The following PTPRT variants were observed in gnomAD, a reference collection of about 807,000 sequenced individuals.
The protein encoded by PTPRT is receptor-type tyrosine-protein phosphatase T.
In PTPRT, 56 loss-of-function variants were observed where a neutral mutation model predicts 176.8. The ratio of observed to expected loss-of-function variants is 0.32; its 90% CI spans 0.26 to 0.40. The LOEUF is 0.40. Ranked by LOEUF, PTPRT falls within the 10% of genes least tolerant of loss-of-function variation. The probability of loss-of-function intolerance (pLI) is 1.00; values close to 1 mark genes in which losing one functional copy is unlikely to be tolerated. For synonymous variants in PTPRT, 783 were observed against 739.0 expected (o/e 1.06, Z -0.96); for missense variants, 1,540 against 1,908.2 (o/e 0.81, Z 3.60).
intron 1 of PTPRT, among the ~76,000 whole-genome samples, chr20:42,952,655 G>C (rs1981326361): frequency 6.6e-6 from 1 of 152,204 alleles, no homozygotes; most frequent in African/African-American, 2.4e-5. Flanking sequence ...CAGTATATAA[G>C]TGTTTGCTCT....
chr20:42,212,045 GA>G (rs1007164594), intron 15 of PTPRT, among the ~76,000 whole-genome samples: 4 of 116,042 alleles, frequency 3.4e-5, no homozygotes, highest in Non-Finnish European at 7.6e-5. Flanking sequence ...ACTATCACAA[GA>G]AAAAAAAACC....
chr20:42,454,842 C>T (rs1312801429), intron 8 of PTPRT, among the ~76,000 whole-genome samples: 1 of 152,122 alleles, frequency 6.6e-6, no homozygotes, highest in Non-Finnish European at 1.5e-5. Flanking sequence ...GCCTATATCC[C>T]ACTGAATAAT....
At position 42,634,048 on chromosome 20, in the gene PTPRT, T is replaced by TA. The variant is rs1438139621; in HGVS notation, c.1153+43817dup. On this transcript the variant is annotated intron_variant, in intron 7 of 30. Coordinates refer to ENST00000373187, the MANE Select transcript of PTPRT (RefSeq NM_007050.6). Reference sequence around the variant, plus strand: ...ATATATATATTATATATATTATATATATATTATAAATATATAATATATATA... The same window carrying TA: ...ATATATATATTATATATATTATATATAATATTATAAATATATAATATATATA... Among the ~76,000 whole-genome samples, 213 of 31,232 alleles carry TA rather than the reference T, an allele frequency of 6.8e-3. 12 individuals are homozygous for TA. The highest frequency in any genetic ancestry group is 0.039 in the African/African-American group (211 of 5,402). The allele number at this position is 31,232 out of a possible 152,430, so 20.5% of individuals were successfully genotyped here. A position where few individuals can be genotyped will look rare whatever the true frequency, so the allele number is the denominator to read the frequency against.
chr20:42,763,214 T>A (rs2076939786), intron 5 of PTPRT, among the ~76,000 whole-genome samples: 1 of 152,220 alleles, frequency 6.6e-6, no homozygotes, highest in South Asian at 2.1e-4. Context: ...TCCTTTAGTG[T>A]CATGACATTA....
chr20:42,229,798 T>G (rs1362107363), intron 15 of PTPRT, among the ~76,000 whole-genome samples: 1 of 152,204 alleles, frequency 6.6e-6, no homozygotes, highest in African/African-American at 2.4e-5. Context: ...AAAAATGGCC[T>G]TAAACCCACA....
At position 42,360,253 on chromosome 20, in the gene PTPRT, T is replaced by C. The variant is rs191439133; in HGVS notation, c.1561-7968A>G. On this transcript the variant is annotated intron_variant, in intron 9 of 30. Transcript: ENST00000373187. ...TGAGTGTATTCCTGTCAACAGGTGC[T>C]CCCTCCACCAACACCTCTGGCCCCT... 1.6e-3 allele frequency among the ~76,000 whole-genome samples: 245 copies of C among 152,274 alleles called. 2 individuals are homozygous for C. In the Middle Eastern group the frequency reaches 0.02, roughly 13 times the overall value.
intron 15 of PTPRT, among the ~76,000 whole-genome samples, chr20:42,204,921 T>A (rs1050391780): frequency 1.3e-5 from 2 of 151,684 alleles, no homozygotes; most frequent in East Asian, 3.9e-4. Flanking sequence ...TGGGTCTCTA[T>A]GGTCCCAGGG....
chr20:43,135,099 A>G (rs2013783383), intron 1 of PTPRT, among the ~76,000 whole-genome samples: 1 of 152,174 alleles, frequency 6.6e-6, no homozygotes, highest in Non-Finnish European at 1.5e-5. Context: ...TATCTTCTGG[A>G]GGATTTGCAA....
rs543541921 is a variant in PTPRT at position 42,507,433 on chromosome 20, C to T, written c.1154-34871G>A. On this transcript the variant is annotated intron_variant, in intron 7 of 30. Transcript: ENST00000373187. The stretch of plus-strand genomic sequence containing the variant: ...CCAAGAAGGGAGAAGCCTTCTTGGC[C>T]GAGAAGGGAAAGCCCATCGTGTGCT... Among the ~76,000 whole-genome samples, 37 of 151,962 alleles carry T rather than the reference C, an allele frequency of 2.4e-4. 1 individual carries two copies. The South Asian group carries it at 7.7e-3, about 32-fold the overall frequency.
At chr20:42,794,407 T>G (rs1241935034) in intron 2 of PTPRT, among the ~76,000 whole-genome samples, 2 of 152,122 alleles carry the variant, frequency 1.3e-5, no homozygotes, top group African/African-American at 4.8e-5. Context: ...AACAAGAATC[T>G]CACATCCACC....
At chr20:43,070,958 AAAGTAT>A (rs1358315992) in intron 1 of PTPRT, among the ~76,000 whole-genome samples, 1 of 145,222 alleles carries the variant, frequency 6.9e-6, no homozygotes, top group Non-Finnish European at 1.5e-5. Context: ...CCTAGAACTT[AAAGTAT>A]AATTAAAAAA....
chr20:43,091,848 A>G (rs1215612696), intron 1 of PTPRT, among the ~76,000 whole-genome samples: 1 of 152,186 alleles, frequency 6.6e-6, no homozygotes, highest in Non-Finnish European at 1.5e-5. Context: ...GATTCGGTGA[A>G]GAAGACATCC....
At chr20:43,035,664 C>A (rs1986347682) in intron 1 of PTPRT, among the ~76,000 whole-genome samples, 1 of 152,182 alleles carries the variant, frequency 6.6e-6, no homozygotes, top group African/African-American at 2.4e-5. Context: ...AAGGTAACTA[C>A]TGAGACCTGA....
intron 2 of PTPRT, among the ~76,000 whole-genome samples, chr20:42,879,759 G>C (rs576972769): frequency 1.7e-4 from 25 of 145,448 alleles, no homozygotes. Context: ...GTGTGTGTGC[G>C]CGTGTGTGTG....
chr20:42,179,596 T>A (rs973210444), intron 16 of PTPRT, among the ~76,000 whole-genome samples: 1 of 152,196 alleles, frequency 6.6e-6, no homozygotes, highest in African/African-American at 2.4e-5. Flanking sequence ...TGCTAAACAA[T>A]GGCCTAACTA....
At chr20:42,667,950 G>T (rs556886090) in intron 7 of PTPRT, among the ~76,000 whole-genome samples, 4 of 152,126 alleles carry the variant, frequency 2.6e-5, no homozygotes, top group African/African-American at 9.7e-5. Flanking sequence ...ATCATGGGCA[G>T]AGTGAGGTTG....
At chr20:42,709,834 A>C (rs1393806017) in intron 6 of PTPRT, among the ~76,000 whole-genome samples, 1 of 152,206 alleles carries the variant, frequency 6.6e-6, no homozygotes, top group Non-Finnish European at 1.5e-5. Context: ...CGGACAGTGA[A>C]GGCCAGGCTG....
chr20:42,353,270 C>G (rs1050954726), intron 9 of PTPRT, among the ~76,000 whole-genome samples: 10 of 152,158 alleles, frequency 6.6e-5, no homozygotes, highest in Non-Finnish European at 1.3e-4. Context: ...ATATTCCAGA[C>G]AGATAGCGAT....
intron 7 of PTPRT, among the ~76,000 whole-genome samples, chr20:42,658,587 G>T (rs1260550827): frequency 2.6e-5 from 4 of 152,216 alleles, no homozygotes; most frequent in African/African-American, 9.6e-5. Flanking sequence ...GCAACCAAAA[G>T]TTTTCACTGT....
Sources: gnomAD v4.1 joint callset for allele counts (sites outside exome capture counted in the v4.1 genomes callset) on GRCh38, gnomAD v4.1.1 for gene constraint, MANE v1.5 for transcripts, NCBI Gene and HGNC (gene_info 2026-07-23, HGNC 2026-07-21) for gene names.